CADPS: variants seen among roughly 807,000 people sequenced by gnomAD.
The protein encoded by CADPS is calcium-dependent secretion activator 1.
Under a neutral mutation model 167.3 loss-of-function variants are expected in CADPS, and 57 were observed. The ratio of observed to expected loss-of-function variants is 0.34; its 90% CI spans 0.28 to 0.42. CADPS has a LOEUF of 0.42. CADPS is among the 20% of genes least tolerant of loss of function. CADPS has a pLI of 1.00. For missense variants in CADPS, 1,414 were observed against 1,738.1 expected (o/e 0.81, Z 3.32); for synonymous variants, 676 against 635.3 (o/e 1.06, Z -0.96).
intron 28 of CADPS, among the ~76,000 whole-genome samples, chr3:62,417,620 A>G (rs1469189874): frequency 6.6e-6 from 1 of 152,100 alleles, no homozygotes; most frequent in African/African-American, 2.4e-5. Context: ...GCCACCCATT[A>G]AATTCTCTCA....
intron 1 of CADPS, among the ~76,000 whole-genome samples, chr3:62,787,906 C>T (rs567526511): frequency 6.6e-6 from 1 of 152,192 alleles, no homozygotes; most frequent in South Asian, 2.1e-4. Context: ...ATTATCATTG[C>T]CCTCATCCTT....
At chr3:62,780,424 T>G (rs539396439) in intron 1 of CADPS, among the ~76,000 whole-genome samples, 13 of 152,092 alleles carry the variant, frequency 8.5e-5, no homozygotes, top group African/African-American at 2.6e-4. Flanking sequence ...AAAAAATAAA[T>G]AAAATTATAA....
chr3:62,773,410 C>T (rs577482535), intron 1 of CADPS, among the ~76,000 whole-genome samples: 40 of 151,978 alleles, frequency 2.6e-4, no homozygotes, highest in African/African-American at 8.0e-4. Context: ...GACTTTATCA[C>T]GGCAAAATAT....
At chr3:62,467,210 T>C (rs2060043514) in intron 24 of CADPS, 2 of 542,148 alleles carry the variant, frequency 3.7e-6, no homozygotes, top group Non-Finnish European at 5.4e-6. Flanking sequence ...TATTAGATCA[T>C]TTTAGTATCC....
intron 29 of CADPS, among the ~76,000 whole-genome samples, chr3:62,400,498 G>C (rs1196714210): frequency 6.6e-6 from 1 of 151,020 alleles, no homozygotes; most frequent in Non-Finnish European, 1.5e-5. Flanking sequence ...TACTGATTCT[G>C]CTGTTTGTTT....
At chr3:62,641,763 G>A (rs1307400753) in intron 6 of CADPS, among the ~76,000 whole-genome samples, 1 of 152,148 alleles carries the variant, frequency 6.6e-6, no homozygotes, top group African/African-American at 2.4e-5. Context: ...AGAGGATATA[G>A]TCTGCTTGGA....
In CADPS at chr3:62,812,114, G is replaced by A. The variant is rs1291439456; in HGVS notation, c.442-46130C>T. Among the ~76,000 whole-genome samples, 8 of 151,946 alleles carry A rather than the reference G, an allele frequency of 5.3e-5. No homozygotes were observed. In the East Asian group the frequency reaches 5.8e-4, roughly 11 times the overall value. On this transcript the variant is annotated intron_variant, in intron 1 of 29. Coordinates refer to ENST00000383710, the MANE Select transcript of CADPS (RefSeq NM_003716.4). ...AGAGGCAAAATACATAATTATATAC[G>A]GTATGGCTTCCACTATTAAAAATAT... is the stretch of plus-strand genomic sequence containing the variant.
At chr3:62,706,963 C>T (rs895351339) in intron 3 of CADPS, among the ~76,000 whole-genome samples, 3 of 152,090 alleles carry the variant, frequency 2.0e-5, no homozygotes, top group Non-Finnish European at 4.4e-5. Context: ...ATCCATGTAA[C>T]AAAACTGCAT....
intron 6 of CADPS, among the ~76,000 whole-genome samples, chr3:62,598,243 C>CTCT (rs1210357240): frequency 6.6e-6 from 1 of 152,118 alleles, no homozygotes; most frequent in Non-Finnish European, 1.5e-5. Flanking sequence ...CTCAAGCTGG[C>CTCT]TCTGATCCAA....
At chr3:62,609,387 G>A (rs1272157316) in intron 6 of CADPS, among the ~76,000 whole-genome samples, 1 of 152,168 alleles carries the variant, frequency 6.6e-6, no homozygotes, top group Non-Finnish European at 1.5e-5. Context: ...CTGTTTGTCA[G>A]GTGCTCTGTT....
chr3:62,874,811 G>GCCGCCGCTGCTCGCGCCGCTGCCC lies in CADPS; in HGVS notation c.195_218dup (p.Ser67_Gly74dup). ...TGCTGGGTTGCAGCCCCCCGGCCCC[G>GCCGCCGCTGCTCGCGCCGCTGCCC]CCGCCGCTGCTCGCGCCGCTGCCCC... On this transcript the variant is annotated inframe_insertion, in exon 1 of 30. Transcript: ENST00000383710. This position sits in a 1 kb window ranked among gnomAD's most constrained non-coding sequence, Gnocchi z 7.1. The GCCGCCGCTGCTCGCGCCGCTGCCC allele has an allele frequency of 8.9e-7, 1 of 1,126,752 alleles. No individual in the cohort carries two copies. The highest frequency in any genetic ancestry group is 1.1e-6 in the Non-Finnish European group (1 of 901,166). 69.8% of individuals were successfully genotyped at this position (1,126,752 alleles called of 1,614,324 possible).
rs1168209602 is a variant in CADPS, at chr3:62,776,268, G to A, written c.442-10284C>T. Among the ~76,000 whole-genome samples, 3 of 152,182 alleles carry A rather than the reference G, an allele frequency of 2.0e-5. No individual in the cohort carries two copies. The East Asian group carries it at 5.8e-4, about 29-fold the overall frequency. On this transcript the variant is annotated intron_variant, in intron 1 of 29. Coordinates refer to ENST00000383710, the MANE Select transcript of CADPS (RefSeq NM_003716.4). ...GCAGAGAACAGAACACAGTACAGGG[G>A]CTTGCATGCCAAACTGAAGAGTTGG...
At chr3:62,592,065 T>C (rs778969078) in intron 7 of CADPS, among the ~76,000 whole-genome samples, 6 of 152,128 alleles carry the variant, frequency 3.9e-5, no homozygotes, top group Non-Finnish European at 8.8e-5. Flanking sequence ...AATATGTCAG[T>C]AAATCGGTTT....
At chr3:62,746,354 C>T (rs1033659394) in intron 3 of CADPS, among the ~76,000 whole-genome samples, 2 of 152,154 alleles carry the variant, frequency 1.3e-5, no homozygotes, top group African/African-American at 4.8e-5. Context: ...TTGATTGAGA[C>T]AGAGTCTCGC....
In CADPS at chr3:62,421,423, T is replaced by C. The variant is rs2051361734; in HGVS notation, c.3777+16681A>G. Among the ~76,000 whole-genome samples the C allele has an allele frequency of 6.6e-6, 1 of 152,170 alleles. No individual in the cohort carries two copies. Among genetic ancestry groups the C allele is most frequent in the African/African-American group, 2.4e-5 (1 of 41,448 alleles). On this transcript the variant is annotated intron_variant, in intron 28 of 29. Transcript: ENST00000383710. The surrounding 1 kb of genome is among the most constrained non-coding windows in gnomAD (Gnocchi z 4.7). The stretch of plus-strand genomic sequence containing the variant: ...GGACCAATTTGTCTCTTTTCACTCT[T>C]TATTCTTCCCTTTTTGCTGACAGAT...
intron 12 of CADPS, among the ~76,000 whole-genome samples, chr3:62,535,544 G>A (rs533816941): frequency 1.8e-4 from 28 of 151,948 alleles, no homozygotes; most frequent in South Asian, 1.5e-3. Flanking sequence ...ATTACATAGA[G>A]ATATTCTTCT....
intron 29 of CADPS, among the ~76,000 whole-genome samples, chr3:62,401,966 G>A (rs1399447948): frequency 6.6e-6 from 1 of 152,036 alleles, no homozygotes. Flanking sequence ...GTGGTCAGGC[G>A]ACCACTTGAC....
chr3:62,415,213 A>C (rs1276142644), intron 28 of CADPS, among the ~76,000 whole-genome samples: 2 of 152,108 alleles, frequency 1.3e-5, no homozygotes, highest in Non-Finnish European at 2.9e-5. Context: ...GATATGAATA[A>C]ATCTGCAAGT....
intron 3 of CADPS, among the ~76,000 whole-genome samples, chr3:62,731,577 T>C (rs570279658): frequency 6.6e-6 from 1 of 152,076 alleles, no homozygotes; most frequent in Admixed American, 6.5e-5. Flanking sequence ...CCTATACTGG[T>C]GCAGCTCTGG....
Sources: gnomAD v4.1 joint callset for allele counts (sites outside exome capture counted in the v4.1 genomes callset) on GRCh38, gnomAD v4.1.1 for gene constraint, Gnocchi (gnomAD v3.1) non-coding constraint, MANE v1.5 for transcripts, NCBI Gene and HGNC (gene_info 2026-07-23, HGNC 2026-07-21) for gene names.